TEKT3: variants seen among roughly 807,000 people sequenced by gnomAD.
The protein encoded by TEKT3 is tektin-3.
Under a neutral mutation model 49.8 loss-of-function variants are expected in TEKT3, and 49 were observed. The observed-to-expected ratio is 0.98, with a 90% confidence interval of 0.78 to 1.25. The LOEUF is 1.25. TEKT3 is among the 50% of genes most tolerant of loss of function. The pLI, the probability that TEKT3 is intolerant of heterozygous loss-of-function variation, is 0.00. For missense variants in TEKT3, 595 were observed against 629.5 expected (o/e 0.95, Z 0.59); for synonymous variants, 225 against 237.2 (o/e 0.95, Z 0.47).
chr17:15,306,951 A>G (rs111415929), intron 8 of TEKT3: 1 of 152,196 alleles, frequency 6.6e-6, no homozygotes, highest in Admixed American at 6.5e-5. Flanking sequence ...TGAGCTGTGC[A>G]TGAAGAGGGG....
rs552410460 is a variant in TEKT3 at position 15,307,640 on chromosome 17, ATTTC to A, written c.1256+1020_1256+1023del. Reference sequence around the variant, plus strand: ...AATCCACTGTCTCAAACCACCACTTATTTCTTTATTTTATCCTTAGGATCAATCC... The same window carrying A: ...AATCCACTGTCTCAAACCACCACTTATTTATTTTATCCTTAGGATCAATCC... On this transcript the variant is annotated intron_variant, in intron 8 of 8. Transcript: ENST00000395930. 1.8e-3 allele frequency among the ~76,000 whole-genome samples: 277 copies of A among 152,198 alleles called. 1 individual carries two copies. Among genetic ancestry groups the A allele is most frequent in the Admixed American group, 2.9e-3 (45 of 15,278 alleles).
intron 7 of TEKT3, among the ~76,000 whole-genome samples, chr17:15,309,408 G>C (rs913176586): frequency 6.6e-6 from 1 of 152,060 alleles, no homozygotes; most frequent in Non-Finnish European, 1.5e-5. Context: ...TTTTGTATTC[G>C]TTTTTTCTTA....
upstream of TEKT3, among the ~76,000 whole-genome samples, chr17:15,341,940 A>C (rs1430683134): frequency 6.6e-6 from 1 of 152,160 alleles, no homozygotes; most frequent in Non-Finnish European, 1.5e-5. Context: ...GGCCGATTCT[A>C]AGGCACATCA....
At position 15,314,228 on chromosome 17, in the gene TEKT3, G is replaced by C; in HGVS notation, c.737C>G (p.Ala246Gly). The change falls in exon 6 of 9, where the codon GCC (alanine) becomes GGC (glycine). Residue 246 changes from alanine to glycine, a missense_variant and splice_region_variant. Coordinates refer to ENST00000395930, the MANE Select transcript of TEKT3 (RefSeq NM_031898.3). ...HLDKAIAQLAANRASQHELEK... is the reference protein window; with the variant it reads ...HLDKAIAQLAGNRASQHELEK... ...CAGCTCATGCTGGGACGCTCTGTTG[G>C]CTCTGCAATACAGAGTCGGGAAGTG... 1 of 1,614,184 alleles carries C rather than the reference G, an allele frequency of 6.2e-7. No individual in the cohort carries two copies. The highest frequency in any genetic ancestry group is 8.5e-7 in the Non-Finnish European group (1 of 1,180,034).
At chr17:15,320,256 A>G (rs1320026200) in intron 4 of TEKT3, among the ~76,000 whole-genome samples, 2 of 151,910 alleles carry the variant, frequency 1.3e-5, no homozygotes, top group Non-Finnish European at 2.9e-5. Context: ...TTTGTTCACC[A>G]TTTGCCTTTT....
At chr17:15,321,331 T>C (rs1355797423) in intron 4 of TEKT3, among the ~76,000 whole-genome samples, 1 of 152,092 alleles carries the variant, frequency 6.6e-6, no homozygotes, top group African/African-American at 2.4e-5. Flanking sequence ...TATATGTGAA[T>C]TTAAATAATG....
intron 4 of TEKT3, among the ~76,000 whole-genome samples, chr17:15,322,760 A>C (rs1180185794): frequency 6.6e-6 from 1 of 152,200 alleles, no homozygotes; most frequent in Admixed American, 6.5e-5. Context: ...AAATCTTCAA[A>C]GTCAAGCTGC....
chr17:15,331,304 G>A lies in TEKT3; in HGVS notation c.282C>T (p.Tyr94=). 6.2e-7 allele frequency: 1 copy of A among 1,614,206 alleles called. No homozygotes were observed. Among genetic ancestry groups the A allele is most frequent in the East Asian group, 2.2e-5 (1 of 44,888 alleles). Residue 94 remains tyrosine, a synonymous_variant, in exon 3 of 9, where the codon TAC becomes TAT. Coordinates refer to ENST00000395930, the MANE Select transcript of TEKT3 (RefSeq NM_031898.3). The part of the protein sequence containing the change: ...VSNRTTFFTR[Y]TPDDWYRSNL... ...TGGACCTGTACCAGTCATCCGGTGT[G>A]TATCTTGTGAAGAAAGTGGTTCTGT...
chr17:15,320,181 C>A (rs1415464892), intron 4 of TEKT3, among the ~76,000 whole-genome samples: 1 of 152,136 alleles, frequency 6.6e-6, no homozygotes, highest in Non-Finnish European at 1.5e-5. Flanking sequence ...TGGAACCACA[C>A]CCCCACCACC....
rs1453963389 is a variant in TEKT3, at chr17:15,334,838, A to C, written c.-29-3224T>G. Among the ~76,000 whole-genome samples the C allele has an allele frequency of 2.0e-5, 3 of 152,244 alleles. No individual in the cohort carries two copies. The East Asian group carries it at 5.8e-4, about 29-fold the overall frequency. On this transcript the variant is annotated intron_variant, in intron 2 of 8. Transcript: ENST00000395930. ...GGGGATGGTTTCACCAAAATATTCC[A>C]CTGTCATGCATTTTGGGCCATTAAT...
At chr17:15,323,582 A>G (rs188678991) in intron 4 of TEKT3, among the ~76,000 whole-genome samples, 13 of 152,338 alleles carry the variant, frequency 8.5e-5, no homozygotes, top group African/African-American at 3.1e-4. Context: ...TCATAAGAAA[A>G]TATTTCGTTG....
chr17:15,335,032 A>G lies in TEKT3; in HGVS notation c.-29-3418T>C, dbSNP rs528280819. Reference sequence around the variant, plus strand: ...ATTCAGACCTCAGACAACAGGCATCATAGGCTCTGATCCTTGAGAGAAGGG... The same window carrying G: ...ATTCAGACCTCAGACAACAGGCATCGTAGGCTCTGATCCTTGAGAGAAGGG... On this transcript the variant is annotated intron_variant, in intron 2 of 8. Transcript: ENST00000395930. 7.0e-5 allele frequency among the ~76,000 whole-genome samples: 8 copies of G among 113,758 alleles called. No homozygotes were observed. The South Asian group carries it at 2.1e-3, about 30-fold the overall frequency. The allele number at this position is 113,758 out of a possible 152,430, so 74.6% of individuals were successfully genotyped here. A position where few individuals can be genotyped will look rare whatever the true frequency, so the allele number is the denominator to read the frequency against.
rs151257154 is a variant in TEKT3 at position 15,317,990 on chromosome 17, T to C, written c.734+1087A>G. Among the ~76,000 whole-genome samples, 111 of 29,662 alleles carry C rather than the reference T, an allele frequency of 3.7e-3. 2 individuals carry two copies. The East Asian group carries it at 0.078, about 21-fold the overall frequency. The allele number at this position is 29,662 out of a possible 152,430, so 19.5% of individuals were successfully genotyped here. A position where few individuals can be genotyped will look rare whatever the true frequency, so the allele number is the denominator to read the frequency against. ...GAGGTCGGATCTCTTTTTTTTTTTT[T>C]CTTTTTTTTTTTTTTTTGAGACGGA... On this transcript the variant is annotated intron_variant, in intron 5 of 8. Transcript: ENST00000395930.
chr17:15,306,339 G>A (rs571497760), intron 8 of TEKT3, among the ~76,000 whole-genome samples: 4 of 151,980 alleles, frequency 2.6e-5, no homozygotes, highest in East Asian at 1.9e-4. Flanking sequence ...AATCTAGACC[G>A]CCGAAGGGCT....
At chr17:15,314,923 T>C (rs1434195253) in intron 5 of TEKT3, among the ~76,000 whole-genome samples, 1 of 152,200 alleles carries the variant, frequency 6.6e-6, no homozygotes, top group Non-Finnish European at 1.5e-5. Context: ...ATGTATGGTC[T>C]TGCCTGCACT....
chr17:15,305,787 TAAA>T (rs762284587), intron 8 of TEKT3, among the ~76,000 whole-genome samples: 4 of 126,602 alleles, frequency 3.2e-5, no homozygotes, highest in African/African-American at 5.8e-5. Context: ...ACATCAATGC[TAAA>T]AAAAAAAAAA....
At chr17:15,328,161 C>G in intron 3 of TEKT3, 86 bp from the exon 4 acceptor site, 2 of 1,224,870 alleles carry the variant, frequency 1.6e-6, no homozygotes, top group Non-Finnish European at 2.4e-6. Context: ...AAAAATAAGT[C>G]AATAGATACT....
chr17:15,319,177 G>A (rs375675542), intron 4 of TEKT3, 30 bp from the exon 5 acceptor site: 2 of 1,550,170 alleles, frequency 1.3e-6, no homozygotes, highest in Non-Finnish European at 1.8e-6. Flanking sequence ...ACATATTAAT[G>A]TTTTCATTAT....
At chr17:15,317,636 C>T (rs1277452401) in intron 5 of TEKT3, among the ~76,000 whole-genome samples, 2 of 152,134 alleles carry the variant, frequency 1.3e-5, no homozygotes, top group Non-Finnish European at 2.9e-5. Flanking sequence ...ACATAATCAC[C>T]TCTCTTATTG....
Sources: allele counts gnomAD v4.1 joint callset (sites outside exome capture counted in the v4.1 genomes callset), GRCh38; gene constraint gnomAD v4.1.1; transcripts MANE v1.5; gene names NCBI Gene and HGNC (gene_info 2026-07-23, HGNC 2026-07-21).